Variants in KCNAB2 observed in about 807,000 individuals in gnomAD.
KCNAB2 encodes potassium voltage-gated channel subfamily A regulatory beta subunit 2, also known as voltage-gated potassium channel subunit beta-2.
KCNAB2 carries 29 observed loss-of-function variants against 63.6 expected under a neutral mutation model. That is an observed-to-expected ratio of 0.46 (90% CI 0.34 to 0.62). The LOEUF (loss-of-function observed/expected upper bound fraction) is 0.62. KCNAB2 is among the 20% of genes least tolerant of loss of function. The pLI is 0.01. For synonymous variants in KCNAB2, 222 were observed against 224.2 expected, an observed-to-expected ratio of 0.99 and a Z score of 0.09; for missense variants, 359 against 563.9, an observed-to-expected ratio of 0.64 and a Z score of 3.68.
At chr1:6,005,787 G>A (rs1162039667) in intron 1 of KCNAB2, among the ~76,000 whole-genome samples, 1 of 151,932 alleles carries the variant, frequency 6.6e-6, no homozygotes, top group Non-Finnish European at 1.5e-5. Context: ...TCCCTGCCCA[G>A]GATGCCGGCC....
At chr1:6,001,014 G>C (rs1657226469) in intron 1 of KCNAB2, among the ~76,000 whole-genome samples, 1 of 152,198 alleles carries the variant, frequency 6.6e-6, no homozygotes, top group South Asian at 2.1e-4. Context: ...CTGGATGGCT[G>C]TGGCCTCACA....
chr1:6,008,338 G>A (rs1276512165), intron 1 of KCNAB2, among the ~76,000 whole-genome samples: 2 of 152,034 alleles, frequency 1.3e-5, no homozygotes, highest in Non-Finnish European at 2.9e-5. Flanking sequence ...GAATCACTCA[G>A]AGCCAGGCAC....
At chr1:6,031,092 A>ACCATAACAGGTTGTCC (rs750210826), upstream of KCNAB2, among the ~76,000 whole-genome samples, 21 of 152,094 alleles carry the variant, frequency 1.4e-4, no homozygotes, top group Non-Finnish European at 3.1e-4. This position sits in a 1 kb window ranked among gnomAD's most constrained non-coding sequence, Gnocchi z 4.1. Flanking sequence ...CATGTGGGTA[A>ACCATAACAGGTTGTCC]CCATAACAGG....
intron 2 of KCNAB2, among the ~76,000 whole-genome samples, chr1:6,053,978 C>A (rs186585498): frequency 2.4e-4 from 36 of 150,914 alleles, no homozygotes; most frequent in Non-Finnish European, 4.9e-4. Context: ...AGGATTTCAA[C>A]GCTGCAGTGA....
intron 1 of KCNAB2, among the ~76,000 whole-genome samples, chr1:6,001,363 T>C (rs1161659969): frequency 2.6e-5 from 4 of 151,890 alleles, no homozygotes; most frequent in African/African-American, 9.7e-5. Context: ...ACACAGAGCC[T>C]GTGCCACCAG....
chr1:6,081,261 C>T (rs142113385), intron 4 of KCNAB2, among the ~76,000 whole-genome samples: 132 of 152,358 alleles, frequency 8.7e-4, no homozygotes, highest in African/African-American at 3.1e-3. Context: ...GAGTATGTGC[C>T]GTTGGAGAAA....
At chr1:6,029,125 A>G (rs930789808) in intron 1 of KCNAB2, among the ~76,000 whole-genome samples, 22 of 152,136 alleles carry the variant, frequency 1.4e-4, no homozygotes, top group Non-Finnish European at 5.9e-5. Context: ...ACTAAAAAAT[A>G]CAAAAAAATT....
intron 4 of KCNAB2, among the ~76,000 whole-genome samples, chr1:6,077,398 G>A (rs939220743): frequency 1.3e-5 from 2 of 152,176 alleles, no homozygotes; most frequent in South Asian, 2.1e-4. Context: ...CCACAGTGCC[G>A]TGAGTCGCTC....
Position 6,074,536 on chromosome 1 carries a change from G to C in KCNAB2, c.300+766G>C, listed in dbSNP as rs1421132500. On this transcript the variant is annotated intron_variant, in intron 4 of 15. Coordinates refer to ENST00000378083, the MANE Select transcript of KCNAB2 (RefSeq NM_001199862.2). This position sits in a 1 kb window ranked among gnomAD's most constrained non-coding sequence, Gnocchi z 4.9. ...TATCCTACTTAGCACTAGAAAGGTT[G>C]CGTTTAAAAATTGATCAGCGAATTG... 6.6e-6 allele frequency among the ~76,000 whole-genome samples: 1 copy of C among 152,238 alleles called. No individual in the cohort carries two copies. Among genetic ancestry groups the C allele is most frequent in the Non-Finnish European group, 1.5e-5 (1 of 68,038 alleles).
upstream of KCNAB2, chr1:6,041,487 C>T (rs756271747): frequency 6.3e-6 from 2 of 317,554 alleles, no homozygotes; most frequent in Non-Finnish European, 1.2e-5. Flanking sequence ...AGCCATTGCC[C>T]ACAAGCATAT....
intron 15 of KCNAB2, 146 bp downstream of exon 15, chr1:6,097,503 A>G: frequency 7.0e-7 from 1 of 1,430,798 alleles, no homozygotes; most frequent in Non-Finnish European, 9.5e-7. Flanking sequence ...GCTCCTGGAG[A>G]GCTTGCTTTC....
At chr1:6,014,349 C>G (rs571880417) in intron 1 of KCNAB2, among the ~76,000 whole-genome samples, 1 of 152,324 alleles carries the variant, frequency 6.6e-6, no homozygotes, top group African/African-American at 2.4e-5. Context: ...CACGTGAAGC[C>G]CAGGGCTGAA....
intron 3 of KCNAB2, 23 bp downstream of exon 3, chr1:6,072,821 T>C (rs766351028): frequency 6.2e-7 from 1 of 1,611,784 alleles, no homozygotes; most frequent in South Asian, 1.1e-5. Flanking sequence ...GTCCCCTCCG[T>C]CCCACCAGGG....
chr1:6,031,790 G>A (rs1312953212), upstream of KCNAB2, among the ~76,000 whole-genome samples: 2 of 152,030 alleles, frequency 1.3e-5, no homozygotes, highest in Middle Eastern at 3.2e-3. This position sits in a 1 kb window ranked among gnomAD's most constrained non-coding sequence, Gnocchi z 4.1. Flanking sequence ...TTGGGAGGCT[G>A]AGGTGGAAGG....
chr1:6,017,137 G>A (rs1306179014), intron 1 of KCNAB2, among the ~76,000 whole-genome samples: 1 of 152,156 alleles, frequency 6.6e-6, no homozygotes, highest in South Asian at 2.1e-4. Context: ...AGGCCCACAA[G>A]GATGGGCAAA....
At chr1:6,046,326 A>G (rs553011360) in intron 1 of KCNAB2, 143 bp downstream of exon 1, 13 of 458,478 alleles carry the variant, frequency 2.8e-5, no homozygotes, top group African/African-American at 2.3e-4. Context: ...GTTTTTGCAA[A>G]GCAGAAGACC....
intron 2 of KCNAB2, among the ~76,000 whole-genome samples, chr1:6,064,293 G>C (rs947060605): frequency 3.3e-5 from 5 of 152,234 alleles, no homozygotes; most frequent in African/African-American, 9.6e-5. Flanking sequence ...CCCCTGACAT[G>C]ATCAGATGTT....
intron 2 of KCNAB2, among the ~76,000 whole-genome samples, chr1:6,068,156 C>A (rs374902385): frequency 2.0e-5 from 3 of 152,252 alleles, no homozygotes; most frequent in South Asian, 4.1e-4. Context: ...GGGACTATTT[C>A]TAAACATAAG....
At chr1:6,056,606 A>G (rs1661850011) in intron 2 of KCNAB2, among the ~76,000 whole-genome samples, 1 of 152,096 alleles carries the variant, frequency 6.6e-6, no homozygotes. Flanking sequence ...TCTGCTCCCC[A>G]TGGTGCTGGG....
Sources: gnomAD v4.1 joint callset for allele counts (sites outside exome capture counted in the v4.1 genomes callset) on GRCh38, gnomAD v4.1.1 for gene constraint, Gnocchi (gnomAD v3.1) non-coding constraint, MANE v1.5 for transcripts, NCBI Gene and HGNC (gene_info 2026-07-23, HGNC 2026-07-21) for gene names.